LHFPL3: variants seen among roughly 807,000 people sequenced by gnomAD.
LHFPL3 encodes LHFPL tetraspan subfamily member 3 protein.
Under a neutral mutation model 19.3 loss-of-function variants are expected in LHFPL3, and 5 were observed. That is an observed-to-expected ratio of 0.26 (90% CI 0.14 to 0.54). LHFPL3 has a LOEUF of 0.54. Among genes scored for constraint, LHFPL3 ranks in the 20% least tolerant of loss-of-function variants. The pLI is 0.94. For synonymous variants in LHFPL3, 133 were observed against 126.2 expected (o/e 1.05, Z -0.36); for missense variants, 249 against 307.4 (o/e 0.81, Z 1.42).
intron 1 of LHFPL3, among the ~76,000 whole-genome samples, chr7:104,515,076 C>G (rs1001953009): frequency 4.6e-5 from 7 of 152,106 alleles, no homozygotes; most frequent in Non-Finnish European, 4.4e-5. Context: ...GCCGTTTCTC[C>G]CCAGATGTGG....
intron 1 of LHFPL3, among the ~76,000 whole-genome samples, chr7:104,350,971 C>T (rs570905127): frequency 4.7e-5 from 7 of 147,402 alleles, no homozygotes; most frequent in Admixed American, 3.5e-4. Context: ...ACCTGGGAGG[C>T]GGAGGTTTCA....
intron 2 of LHFPL3, among the ~76,000 whole-genome samples, chr7:104,818,387 TAAAA>T (rs74273539): frequency 1.5e-5 from 2 of 131,372 alleles, no homozygotes; most frequent in Admixed American, 7.8e-5. Flanking sequence ...CTTCTCTCAT[TAAAA>T]AAAAAAAAAA....
chr7:104,425,005 A>AT (rs1791814213), intron 1 of LHFPL3, among the ~76,000 whole-genome samples: 1 of 145,228 alleles, frequency 6.9e-6, no homozygotes, highest in South Asian at 2.1e-4. Flanking sequence ...AAAAAAAAAA[A>AT]GAAGTATCTG....
chr7:104,611,291 T>C (rs931256716), intron 1 of LHFPL3, among the ~76,000 whole-genome samples: 1 of 152,194 alleles, frequency 6.6e-6, no homozygotes. Flanking sequence ...ATAAGAAAAT[T>C]GAGACTTCTG....
In LHFPL3 at chr7:104,421,169, A is replaced by AT. The variant is rs572613486; in HGVS notation, c.445+91947dup. On this transcript the variant is annotated intron_variant, in intron 1 of 2. Coordinates refer to ENST00000424859, the MANE Select transcript of LHFPL3 (RefSeq NM_199000.3). ...CCTGGAGGTGTTGAGAAAGGATGAA[A>AT]TTAGAAAATGACCTATTATTGAAAT... Among the ~76,000 whole-genome samples the AT allele has an allele frequency of 1.2e-3, 178 of 152,388 alleles. 1 individual carries two copies. Among genetic ancestry groups the AT allele is most frequent in the African/African-American group, 4.1e-3 (169 of 41,594 alleles).
At chr7:104,646,379 T>A (rs1039491790) in intron 1 of LHFPL3, among the ~76,000 whole-genome samples, 12 of 152,230 alleles carry the variant, frequency 7.9e-5, no homozygotes, top group African/African-American at 2.9e-4. Context: ...CTTTAAGCTA[T>A]CATCAACATC....
At chr7:104,680,936 TTACAG>T (rs1792682949) in intron 1 of LHFPL3, among the ~76,000 whole-genome samples, 2 of 152,160 alleles carry the variant, frequency 1.3e-5, no homozygotes, top group South Asian at 4.1e-4. Context: ...GAGCTACTGA[TTACAG>T]AACTACAGTA....
chr7:104,779,036 A>G (rs569850505), intron 2 of LHFPL3, among the ~76,000 whole-genome samples: 140 of 152,336 alleles, frequency 9.2e-4, no homozygotes, highest in Non-Finnish European at 1.8e-3. Flanking sequence ...TAAGCTTTCA[A>G]TAGCCATTAT....
chr7:104,401,179 C>T (rs1791305961), intron 1 of LHFPL3, among the ~76,000 whole-genome samples: 1 of 152,162 alleles, frequency 6.6e-6, no homozygotes, highest in Non-Finnish European at 1.5e-5. Flanking sequence ...ACATACAATT[C>T]TTAGCCACAA....
intron 2 of LHFPL3, among the ~76,000 whole-genome samples, chr7:104,781,658 C>T: frequency 6.6e-6 from 1 of 152,170 alleles, no homozygotes; most frequent in East Asian, 1.9e-4. Flanking sequence ...TCCGCCTCTA[C>T]CTTCTCATTG....
chr7:104,616,243 CA>C (rs1194306143), intron 1 of LHFPL3, among the ~76,000 whole-genome samples: 1 of 152,124 alleles, frequency 6.6e-6, no homozygotes, highest in East Asian at 1.9e-4. Context: ...AACTATACTA[CA>C]AGGCTATAGT....
intron 1 of LHFPL3, among the ~76,000 whole-genome samples, chr7:104,565,404 A>G (rs1366986505): frequency 3.3e-5 from 5 of 152,232 alleles, no homozygotes; most frequent in African/African-American, 4.8e-5. Flanking sequence ...GTCTTCAAAA[A>G]GCTGTATTTA....
chr7:104,330,897 G>A (rs1286352392), intron 1 of LHFPL3, among the ~76,000 whole-genome samples: 3 of 152,192 alleles, frequency 2.0e-5, no homozygotes, highest in Non-Finnish European at 4.4e-5. Flanking sequence ...TGCAGATGCT[G>A]TAGAAAAAGA....
intron 1 of LHFPL3, among the ~76,000 whole-genome samples, chr7:104,482,577 T>C (rs1793158084): frequency 6.6e-6 from 1 of 152,212 alleles, no homozygotes; most frequent in Admixed American, 6.5e-5. Context: ...TACATCAATG[T>C]GTGTAATAGA....
At chr7:104,430,435 T>C (rs1257695072) in intron 1 of LHFPL3, among the ~76,000 whole-genome samples, 48 of 14,214 alleles carry the variant, frequency 3.4e-3, no homozygotes, top group Middle Eastern at 0.025. Context: ...TATATATATA[T>C]ATATATATAT....
At chr7:104,704,597 G>T (rs1793157650) in intron 1 of LHFPL3, among the ~76,000 whole-genome samples, 1 of 148,908 alleles carries the variant, frequency 6.7e-6, no homozygotes, top group African/African-American at 2.5e-5. Context: ...TACCTTTCTT[G>T]CCCTAGCAGG....
chr7:104,706,137 A>G (rs1793186714), intron 1 of LHFPL3, among the ~76,000 whole-genome samples: 2 of 152,136 alleles, frequency 1.3e-5, no homozygotes, highest in South Asian at 2.1e-4. Flanking sequence ...TTTTGGTGGC[A>G]TATCAATTGA....
intron 2 of LHFPL3, among the ~76,000 whole-genome samples, chr7:104,833,156 G>A (rs1485344835): frequency 5.3e-4 from 52 of 98,384 alleles, no homozygotes; most frequent in Non-Finnish European, 8.0e-4. Flanking sequence ...CTTGCAGACA[G>A]CCTATTGTGG....
chr7:104,596,576 C>T (rs1034288095), intron 1 of LHFPL3, among the ~76,000 whole-genome samples: 6 of 152,310 alleles, frequency 3.9e-5, no homozygotes, highest in South Asian at 2.1e-4. Flanking sequence ...CCCTCTGTTC[C>T]GGTCTATCTG....
Sources: gnomAD v4.1 joint callset for allele counts (sites outside exome capture counted in the v4.1 genomes callset) on GRCh38, gnomAD v4.1.1 for gene constraint, MANE v1.5 for transcripts, NCBI Gene and HGNC (gene_info 2026-07-23, HGNC 2026-07-21) for gene names.